The following MINAR1 variants were observed in gnomAD, a reference collection of about 807,000 sequenced individuals.
MINAR1 encodes major intrinsically disordered Notch2-binding receptor 1.
In MINAR1, 40 loss-of-function variants were observed where a neutral mutation model predicts 65.1. The observed-to-expected ratio is 0.61, with a 90% CI of 0.48 to 0.80. The LOEUF (loss-of-function observed/expected upper bound fraction) is 0.80. Ranked by LOEUF, MINAR1 falls within the 30% of genes least tolerant of loss-of-function variation. The pLI is 0.00. For synonymous variants in MINAR1, 482 were observed against 449.1 expected (o/e 1.07, Z -0.93); for missense variants, 1,128 against 1,148.0 (o/e 0.98, Z 0.25).
At chr15:79,463,532 A>G (rs1895729712) in intron 3 of MINAR1, among the ~76,000 whole-genome samples, 3 of 152,230 alleles carry the variant, frequency 2.0e-5, no homozygotes, top group Non-Finnish European at 4.4e-5. Context: ...GTAAACATTT[A>G]GCAGTAGGAA....
intron 3 of MINAR1, among the ~76,000 whole-genome samples, chr15:79,464,212 C>T (rs569882051): frequency 6.6e-6 from 1 of 152,306 alleles, no homozygotes; most frequent in African/African-American, 2.4e-5. Flanking sequence ...AGCATTCACT[C>T]CATCTGATTG....
chr15:79,444,448 CATT>C (rs774714904), intron 1 of MINAR1, among the ~76,000 whole-genome samples: 12 of 152,080 alleles, frequency 7.9e-5, no homozygotes, highest in Middle Eastern at 3.4e-3. Flanking sequence ...TTTCTCGTAA[CATT>C]AGTTGCTTCT....
At position 79,470,210 on chromosome 15, in the gene MINAR1, T is replaced by C. The variant is rs1896029126; in HGVS notation, c.*1826T>C. The C allele has an allele frequency of 6.6e-6, 1 of 152,660 alleles. No individual in the cohort carries two copies. Among genetic ancestry groups the C allele is most frequent in the Non-Finnish European group, 1.5e-5 (1 of 68,050 alleles). 9.5% of individuals were successfully genotyped at this position (152,660 alleles called of 1,614,324 possible). A position where few individuals can be genotyped will look rare whatever the true frequency, so the allele number is the denominator to read the frequency against. The stretch of plus-strand genomic sequence containing the variant: ...ATGTTACTCTCTATCATCAGAATTA[T>C]AGTCTTTGGTGCTCTGTTTTCAATG... On this transcript the variant is annotated 3_prime_UTR_variant, in exon 4 of 4. Transcript: ENST00000305428.
intron 1 of MINAR1, among the ~76,000 whole-genome samples, chr15:79,450,953 G>C (rs1386649662): frequency 6.6e-6 from 1 of 152,170 alleles, no homozygotes; most frequent in African/African-American, 2.4e-5. Context: ...ACATATGCTT[G>C]TTAATTAAAC....
chr15:79,433,083 C>G (rs1894498098), intron 1 of MINAR1, among the ~76,000 whole-genome samples: 1 of 152,218 alleles, frequency 6.6e-6, no homozygotes, highest in African/African-American at 2.4e-5. Context: ...TCAACTTCAC[C>G]TGTCAGAAAG....
In MINAR1 at chr15:79,457,762, T is replaced by C; in HGVS notation, c.1615T>C (p.Ser539Pro). ...SISGSTGVIQSSCYNSTGSLS... is the reference protein window; with the variant it reads ...SISGSTGVIQPSCYNSTGSLS... ...CAGTGGCTCCACGGGAGTGATACAG[T>C]CGTCCTGCTACAACAGCACAGGATC... Residue 539 changes from serine (S) to proline (P), a missense_variant, in exon 2 of 4, where the codon TCG becomes CCG. Ser to Pro is a moderately conservative substitution (Grantham distance 74). Transcript: ENST00000305428. The C allele has an allele frequency of 3.1e-6, 5 of 1,614,204 alleles. No homozygotes were observed. The highest frequency in any genetic ancestry group is 4.2e-6 in the Non-Finnish European group (5 of 1,180,040).
At position 79,458,388 on chromosome 15, in the gene MINAR1, G is replaced by A. The variant is rs778010328; in HGVS notation, c.2241G>A (p.Glu747=). 1.9e-6 allele frequency: 3 copies of A among 1,614,208 alleles called. No individual in the cohort carries two copies. The highest frequency in any genetic ancestry group is 1.7e-6 in the Non-Finnish European group (2 of 1,180,036). Residue 747 remains glutamate (E), a synonymous_variant, in exon 2 of 4, where the codon GAG becomes GAA. Transcript: ENST00000305428. ...CCAACCGTGTGGGCCTCAATGAGGA[G>A]GAGATAAAAGACACAGGCCCAGGAG... is the stretch of plus-strand genomic sequence containing the variant. ...TYTNRVGLNE[E]EIKDTGPGDN...
In MINAR1 at chr15:79,469,558, T is replaced by G. The variant is rs1483618775; in HGVS notation, c.*1174T>G. On this transcript the variant is annotated 3_prime_UTR_variant, in exon 4 of 4. Transcript: ENST00000305428. ...CTATATGTCTATCTATCTATCTATA[T>G]GTCTATCTATCTATCTAAATACTTG... 1 of 152,514 alleles carries G rather than the reference T, an allele frequency of 6.6e-6. No homozygotes were observed. Among genetic ancestry groups the G allele is most frequent in the African/African-American group, 2.4e-5 (1 of 41,454 alleles). The allele number at this position is 152,514 out of a possible 1,614,324, so 9.4% of individuals were successfully genotyped here.
chr15:79,411,770 G>A, the MINAR1 span: 1 of 411,730 alleles, frequency 2.4e-6, no homozygotes, highest in South Asian at 3.3e-5. Flanking sequence ...GGTAGGGGCA[G>A]CACTTCAGCC....
the MINAR1 span, chr15:79,419,778 T>A: frequency 6.6e-6 from 1 of 152,246 alleles, no homozygotes; most frequent in South Asian, 2.1e-4. Context: ...TTCTCTCAAA[T>A]CATGGTTTAA....
At position 79,472,214 on chromosome 15, in the gene MINAR1, A is replaced by C. The variant is rs1896110181; in HGVS notation, c.*3830A>C. 6.6e-6 allele frequency: 1 copy of C among 152,626 alleles called. No homozygotes were observed. Among genetic ancestry groups the C allele is most frequent in the African/African-American group, 2.4e-5 (1 of 41,464 alleles). The allele number at this position is 152,626 out of a possible 1,614,324, so 9.5% of individuals were successfully genotyped here. On this transcript the variant is annotated 3_prime_UTR_variant, in exon 4 of 4. Coordinates refer to ENST00000305428, the MANE Select transcript of MINAR1 (RefSeq NM_015206.3). ...TCTTTTTTCAAATGGCTTGTGTAAA[A>C]TTTGGTTAATGTACAATGGTTGGTT... is the stretch of plus-strand genomic sequence containing the variant.
chr15:79,458,150 G>A lies in MINAR1; in HGVS notation c.2003G>A (p.Ser668Asn), dbSNP rs1895507103. The A allele has an allele frequency of 6.2e-7, 1 of 1,614,046 alleles. No individual in the cohort carries two copies. Among genetic ancestry groups the A allele is most frequent in the South Asian group, 1.1e-5 (1 of 91,090 alleles). ...TCTCCCCGGATGTTCCACGCACACA[G>A]TGGCTCCCACGGACCCAAACTAGAG... Reference protein sequence around the residue: ...SASPRMFHAHSGSHGPKLENN... With the variant: ...SASPRMFHAHNGSHGPKLENN... Residue 668 changes from serine (S) to asparagine (N), a missense_variant, in exon 2 of 4, where the codon AGT becomes AAT. Ser to Asn is a conservative substitution (Grantham distance 46). Coordinates refer to ENST00000305428, the MANE Select transcript of MINAR1 (RefSeq NM_015206.3).
chr15:79,441,426 T>A (rs1894865771), intron 1 of MINAR1, among the ~76,000 whole-genome samples: 1 of 152,232 alleles, frequency 6.6e-6, no homozygotes, highest in Non-Finnish European at 1.5e-5. Context: ...AATGGCTACA[T>A]GGTATTCTAT....
Position 79,458,032 on chromosome 15 carries a change from A to G in MINAR1, c.1885A>G (p.Lys629Glu), listed in dbSNP as rs968904285. ...EISQVLGKLN[K>E]LDQKMQQPEK... The stretch of plus-strand genomic sequence containing the variant: ...CTCCCAGGTCTTGGGCAAACTAAAT[A>G]AATTGGACCAGAAAATGCAACAGCC... Residue 629 changes from lysine to glutamate, a missense_variant, in exon 2 of 4, where the codon AAA becomes GAA. By Grantham distance (56) the Lys-to-Glu change is moderately conservative. Transcript: ENST00000305428. 1.2e-6 allele frequency: 2 copies of G among 1,614,188 alleles called. No individual in the cohort carries two copies. Among genetic ancestry groups the G allele is most frequent in the Non-Finnish European group, 1.7e-6 (2 of 1,180,042 alleles).
chr15:79,463,850 A>G, intron 3 of MINAR1: 1 of 431,212 alleles, frequency 2.3e-6, no homozygotes, highest in Admixed American at 2.5e-5. Flanking sequence ...GGTTTTGGCC[A>G]CACTTTTATT....
chr15:79,460,028 CA>C lies in MINAR1; in HGVS notation c.2298+1584del, dbSNP rs112249920. Among the ~76,000 whole-genome samples the C allele has an allele frequency of 9.8e-3, 1,493 of 152,284 alleles. 33 individuals are homozygous for C. Among genetic ancestry groups the C allele is most frequent in the African/African-American group, 0.034 (1,398 of 41,524 alleles). ...GTAGAAATATTAGGTTAAACTGAAC[CA>C]GCCATGCCTCCCACCTATCAAATGT... On this transcript the variant is annotated intron_variant, in intron 2 of 3. Coordinates refer to ENST00000305428, the MANE Select transcript of MINAR1 (RefSeq NM_015206.3).
chr15:79,441,724 C>T (rs1197825475), intron 1 of MINAR1, among the ~76,000 whole-genome samples: 2 of 152,042 alleles, frequency 1.3e-5, no homozygotes, highest in African/African-American at 2.4e-5. Flanking sequence ...TATGAGTATA[C>T]TGATTATAGA....
the MINAR1 span, chr15:79,421,207 A>G: frequency 6.6e-6 from 1 of 152,224 alleles, no homozygotes; most frequent in Non-Finnish European, 1.5e-5. Flanking sequence ...CAACATACAT[A>G]AAATTACTCT....
intron 2 of MINAR1, among the ~76,000 whole-genome samples, chr15:79,461,192 G>T (rs1895630502): frequency 6.6e-6 from 1 of 152,340 alleles, no homozygotes; most frequent in Admixed American, 6.5e-5. Flanking sequence ...ACAGGCATGG[G>T]CAGCAATGAA....
Sources: gnomAD v4.1 joint callset for allele counts (sites outside exome capture counted in the v4.1 genomes callset) on GRCh38, gnomAD v4.1.1 for gene constraint, MANE v1.5 for transcripts, NCBI Gene and HGNC (gene_info 2026-07-23, HGNC 2026-07-21) for gene names.